CEBPZ: variants seen among roughly 807,000 people sequenced by gnomAD.
CEBPZ encodes the protein CCAAT/enhancer-binding protein zeta.
Under a neutral mutation model 104.5 loss-of-function variants are expected in CEBPZ, and 78 were observed. That is an observed-to-expected ratio of 0.75 (90% CI 0.62 to 0.90). The LOEUF (loss-of-function observed/expected upper bound fraction) is 0.90, where lower values mean the gene tolerates loss of function less well. Among genes scored for constraint, CEBPZ ranks in the 40% least tolerant of loss-of-function variants. The probability of loss-of-function intolerance (pLI) is 0.00; values close to 1 mark genes in which losing one functional copy is unlikely to be tolerated. For synonymous variants in CEBPZ, 470 were observed against 427.0 expected (o/e 1.10, Z -1.24); for missense variants, 1,439 against 1,233.5 (o/e 1.17, Z -2.50).
In CEBPZ at chr2:37,211,813, A is replaced by G. The variant is rs1424641425; in HGVS notation, c.2800+30T>C. 2.7e-6 allele frequency: 4 copies of G among 1,496,926 alleles called. No homozygotes were observed. The Admixed American group carries it at 8.8e-5, about 33-fold the overall frequency. The allele number at this position is 1,496,926 out of a possible 1,614,324, so 92.7% of individuals were successfully genotyped here. ...AAGGCTAAGGAAGTGAGGAAGACAC[A>G]GTTTATGTCTTATTTTAAAAAATGC... On this transcript the variant is annotated intron_variant, in intron 12 of 15. Transcript: ENST00000234170.
At chr2:37,210,228 A>AAGAACTGAAAGT (rs1677677315) in intron 13 of CEBPZ, 1 of 152,354 alleles carries the variant, frequency 6.6e-6, no homozygotes, top group East Asian at 1.9e-4. Context: ...AGAGTCCTTA[A>AAGAACTGAAAGT]AGAACTGAAA....
intron 13 of CEBPZ, chr2:37,203,660 A>G (rs1677396037): frequency 1.3e-5 from 2 of 152,250 alleles, no homozygotes; most frequent in Admixed American, 1.3e-4. Flanking sequence ...TTGTTCAACC[A>G]CAACCACAGT....
chr2:37,214,081 G>T (rs946404744), intron 9 of CEBPZ, 120 bp from the exon 10 acceptor site: 1 of 468,802 alleles, frequency 2.1e-6, no homozygotes, highest in Non-Finnish European at 3.7e-6. Context: ...ATACTCAATT[G>T]GAAATAAATG....
At chr2:37,227,160 T>C (rs566785278) in intron 2 of CEBPZ, among the ~76,000 whole-genome samples, 1 of 152,232 alleles carries the variant, frequency 6.6e-6, no homozygotes, top group African/African-American at 2.4e-5. Flanking sequence ...AGGGAAAAGA[T>C]AGAGGACTGA....
intron 2 of CEBPZ, among the ~76,000 whole-genome samples, chr2:37,225,140 A>G (rs954136565): frequency 1.3e-5 from 2 of 152,202 alleles, no homozygotes; most frequent in Non-Finnish European, 2.9e-5. Flanking sequence ...TCAAATTAAC[A>G]GTGTTAAGTT....
Position 37,231,209 on chromosome 2 carries a change from T to C in CEBPZ, c.156+203A>G, listed in dbSNP as rs563339659. 15 of 734,028 alleles carry C rather than the reference T, an allele frequency of 2.0e-5. No homozygotes were observed. The East Asian group carries it at 4.1e-4, about 20-fold the overall frequency. The allele number at this position is 734,028 out of a possible 1,614,324, so 45.5% of individuals were successfully genotyped here. A position where few individuals can be genotyped will look rare whatever the true frequency, so the allele number is the denominator to read the frequency against. On this transcript the variant is annotated intron_variant, in intron 1 of 15. Coordinates refer to ENST00000234170, the MANE Select transcript of CEBPZ (RefSeq NM_005760.3). ...CTACATCCTAAGAATAGCCAGAGAA[T>C]ACAACGTTCAATTCGAAACTTTTCT...
chr2:37,229,244 CT>C (rs764912658), intron 1 of CEBPZ, among the ~76,000 whole-genome samples: 4 of 151,986 alleles, frequency 2.6e-5, no homozygotes, highest in Admixed American at 2.6e-4. Flanking sequence ...CGCACACACA[CT>C]TTTTATTTCG....
intron 4 of CEBPZ, among the ~76,000 whole-genome samples, chr2:37,221,855 G>A (rs896171364): frequency 6.6e-6 from 1 of 152,186 alleles, no homozygotes; most frequent in Non-Finnish European, 1.5e-5. Context: ...TCAAATGAAG[G>A]GGCTGCATTT....
rs191671657 is a variant in CEBPZ, at chr2:37,217,681, T to A, written c.2155-644A>T. 2.7e-3 allele frequency among the ~76,000 whole-genome samples: 405 copies of A among 151,068 alleles called. 9 individuals carry two copies. In the East Asian group the frequency reaches 0.064, roughly 24 times the overall value. The stretch of plus-strand genomic sequence containing the variant: ...ACCTTGGGAGGCTGAGGTGGGCGGA[T>A]CACGAGGTCAGGAGATCGAGACCAT... On this transcript the variant is annotated intron_variant, in intron 5 of 15. Coordinates refer to ENST00000234170, the MANE Select transcript of CEBPZ (RefSeq NM_005760.3).
intron 10 of CEBPZ, 170 bp from the exon 11 acceptor site, chr2:37,212,562 T>G: frequency 3.5e-6 from 2 of 570,648 alleles, no homozygotes; most frequent in Non-Finnish European, 6.1e-6. Context: ...TATACAAACC[T>G]GTGAAATACT....
chr2:37,210,852 T>A, intron 13 of CEBPZ, 147 bp downstream of exon 13: 1 of 489,962 alleles, frequency 2.0e-6, no homozygotes. Context: ...ATGTGGAAAA[T>A]AATTTCCACT....
chr2:37,221,850 T>C (rs1411151316), intron 4 of CEBPZ, among the ~76,000 whole-genome samples: 1 of 152,256 alleles, frequency 6.6e-6, no homozygotes, highest in Non-Finnish European at 1.5e-5. Context: ...CAGCCTCAAA[T>C]GAAGGGGCTG....
intron 8 of CEBPZ, 136 bp downstream of exon 8, chr2:37,216,004 T>C (rs1347011386): frequency 4.7e-6 from 3 of 638,858 alleles, no homozygotes; most frequent in Admixed American, 3.7e-5. Context: ...AGAATACCTA[T>C]TCTTGGGAAA....
Position 37,216,130 on chromosome 2 carries a change from T to A in CEBPZ, c.2380+10A>T. ...CTTTTCAGTTTCAACTGTCTAAGGT[T>A]TATACTTACCAGGAAGATGACGAAT... On this transcript the variant is annotated intron_variant, in intron 8 of 15. Coordinates refer to ENST00000234170, the MANE Select transcript of CEBPZ (RefSeq NM_005760.3). The A allele has an allele frequency of 6.3e-7, 1 of 1,599,106 alleles. No individual in the cohort carries two copies. The highest frequency in any genetic ancestry group is 8.6e-7 in the Non-Finnish European group (1 of 1,168,260).
chr2:37,203,013 A>G lies in CEBPZ; in HGVS notation c.2885-5T>C, dbSNP rs754776815. The stretch of plus-strand genomic sequence containing the variant: ...TTCTTTTCTTTTTTCTTGGCCCTAA[A>G]AAAAATTGTAAGTCTACATTATTCA... On this transcript the variant is annotated splice_polypyrimidine_tract_variant and splice_region_variant and intron_variant, in intron 13 of 15. Transcript: ENST00000234170. 1.6e-5 allele frequency: 24 copies of G among 1,527,578 alleles called. No homozygotes were observed. The highest frequency in any genetic ancestry group is 2.1e-5 in the Non-Finnish European group (24 of 1,136,420). The allele number at this position is 1,527,578 out of a possible 1,614,324, so 94.6% of individuals were successfully genotyped here.
At chr2:37,221,800 G>C (rs1664776582) in intron 4 of CEBPZ, among the ~76,000 whole-genome samples, 1 of 152,164 alleles carries the variant, frequency 6.6e-6, no homozygotes, top group Non-Finnish European at 1.5e-5. Context: ...AATGGGTCTG[G>C]CACCACATTT....
intron 13 of CEBPZ, chr2:37,210,776 A>G: frequency 4.5e-6 from 2 of 445,616 alleles, no homozygotes; most frequent in South Asian, 6.5e-5. Flanking sequence ...AAATAATGAT[A>G]ACAAATTTTT....
intron 1 of CEBPZ, among the ~76,000 whole-genome samples, chr2:37,229,243 A>G (rs1267110817): frequency 6.6e-6 from 1 of 152,056 alleles, no homozygotes; most frequent in Non-Finnish European, 1.5e-5. Context: ...ACGCACACAC[A>G]CTTTTTATTT....
At chr2:37,219,029 C>G (rs1347068116) in intron 5 of CEBPZ, among the ~76,000 whole-genome samples, 1 of 152,192 alleles carries the variant, frequency 6.6e-6, no homozygotes, top group Non-Finnish European at 1.5e-5. Context: ...AACTGTCAAG[C>G]TCAAGGTGGT....
Sources: allele counts gnomAD v4.1 joint callset (sites outside exome capture counted in the v4.1 genomes callset), GRCh38; gene constraint gnomAD v4.1.1; transcripts MANE v1.5; gene names NCBI Gene and HGNC (gene_info 2026-07-23, HGNC 2026-07-21).